ALG8: variants seen among roughly 807,000 people sequenced by gnomAD.
The protein encoded by ALG8 is ALG8 alpha-1,3-glucosyltransferase.
ALG8 carries 48 observed loss-of-function variants against 70.2 expected under a neutral mutation model. The observed-to-expected ratio is 0.68, with a 90% CI of 0.54 to 0.87. ALG8 has a LOEUF of 0.87. Ranked by LOEUF, ALG8 falls within the 40% of genes least tolerant of loss-of-function variation. The pLI is 0.00. For missense variants in ALG8, 572 were observed against 608.7 expected (o/e 0.94, Z 0.64); for synonymous variants, 234 against 229.0 (o/e 1.02, Z -0.20).
chr11:78,131,757 C>T (rs1361214074), intron 1 of ALG8, among the ~76,000 whole-genome samples: 1 of 152,164 alleles, frequency 6.6e-6, no homozygotes, highest in Non-Finnish European at 1.5e-5. Context: ...TGAGCCACTG[C>T]ACCCAGCCCT....
intron 5 of ALG8, among the ~76,000 whole-genome samples, chr11:78,116,085 C>T (rs1040336705): frequency 6.6e-6 from 1 of 152,142 alleles, no homozygotes; most frequent in Non-Finnish European, 1.5e-5. Flanking sequence ...AAAGGCCAGG[C>T]GTGGTGGCTC....
At chr11:78,135,773 G>A (rs1218473079) in intron 1 of ALG8, among the ~76,000 whole-genome samples, 3 of 151,744 alleles carry the variant, frequency 2.0e-5, no homozygotes, top group Admixed American at 2.0e-4. Context: ...ACTCGAACCC[G>A]GGAAGCTGAG....
intron 2 of ALG8, among the ~76,000 whole-genome samples, chr11:78,125,160 G>A (rs531296662): frequency 4.6e-5 from 7 of 151,856 alleles, no homozygotes; most frequent in South Asian, 2.1e-4. Flanking sequence ...AGCCTCCCGA[G>A]TAGCTGGGAC....
At chr11:78,126,361 T>C (rs1173170866) in intron 2 of ALG8, among the ~76,000 whole-genome samples, 1 of 150,640 alleles carries the variant, frequency 6.6e-6, no homozygotes, top group Non-Finnish European at 1.5e-5. Flanking sequence ...GGAAACCCCC[T>C]CTTTACTAAA....
At chr11:78,119,141 A>C in intron 5 of ALG8, 41 bp downstream of exon 5, 2 of 1,496,194 alleles carry the variant, frequency 1.3e-6, no homozygotes, top group Non-Finnish European at 1.9e-6. Context: ...TCTAAAAACT[A>C]ATCTAAAAGG....
chr11:78,127,338 A>G lies in ALG8; in HGVS notation c.174+20T>C, dbSNP rs1861124571. 6.7e-7 allele frequency: 1 copy of G among 1,499,256 alleles called. No individual in the cohort carries two copies. Among genetic ancestry groups the G allele is most frequent in the South Asian group, 1.2e-5 (1 of 86,262 alleles). 92.9% of individuals were successfully genotyped at this position (1,499,256 alleles called of 1,614,324 possible). A position where few individuals can be genotyped will look rare whatever the true frequency, so the allele number is the denominator to read the frequency against. The stretch of plus-strand genomic sequence containing the variant: ...TTATAGATGAATCTTAAAAAAAAAA[A>G]GGTGAAAATTAAAACTTACCTCATA... On this transcript the variant is annotated intron_variant, in intron 2 of 12. Coordinates refer to ENST00000299626, the MANE Select transcript of ALG8 (RefSeq NM_024079.5).
intron 1 of ALG8, among the ~76,000 whole-genome samples, chr11:78,135,530 A>G (rs1861505221): frequency 6.6e-6 from 1 of 151,566 alleles, no homozygotes; most frequent in African/African-American, 2.4e-5. Context: ...TGAGCAACAC[A>G]GTGACCCCAT....
At chr11:78,137,882 T>C (rs1026425278) in intron 1 of ALG8, among the ~76,000 whole-genome samples, 1 of 152,148 alleles carries the variant, frequency 6.6e-6, no homozygotes, top group Non-Finnish European at 1.5e-5. Context: ...ATGGCATTGA[T>C]AGAGTTGCTC....
chr11:78,123,315 G>GAAAA (rs1220218900), intron 3 of ALG8, among the ~76,000 whole-genome samples: 40 of 88,532 alleles, frequency 4.5e-4, no homozygotes, highest in East Asian at 7.1e-4. Context: ...GGAAAAAAAA[G>GAAAA]AAAAAAAAAA....
chr11:78,104,162 T>C, intron 11 of ALG8, 110 bp from the exon 12 acceptor site: 1 of 921,974 alleles, frequency 1.1e-6, no homozygotes. Context: ...AATAATACTT[T>C]TTAAGTTTAA....
intron 9 of ALG8, among the ~76,000 whole-genome samples, chr11:78,107,487 G>A (rs1337857362): frequency 6.7e-6 from 1 of 148,626 alleles, no homozygotes; most frequent in Non-Finnish European, 1.5e-5. Context: ...CCAAAGTGCT[G>A]GGATTACAGG....
chr11:78,114,507 T>C, intron 5 of ALG8, 115 bp from the exon 6 acceptor site: 1 of 1,284,216 alleles, frequency 7.8e-7, no homozygotes, highest in South Asian at 1.3e-5. Flanking sequence ...GAAAAACGGG[T>C]GAAATTCAAA....
In ALG8 at chr11:78,135,790, G is replaced by C. The variant is rs571727833; in HGVS notation, c.95+3704C>G. Among the ~76,000 whole-genome samples the C allele has an allele frequency of 5.3e-5, 8 of 151,978 alleles. No homozygotes were observed. The South Asian group carries it at 1.7e-3, about 32-fold the overall frequency. ...TCGAACCCGGGAAGCTGAGGTTGCA[G>C]TGAGCTGAGATTGTGCCACTACACT... On this transcript the variant is annotated intron_variant, in intron 1 of 12. Transcript: ENST00000299626.
At chr11:78,110,095 G>A (rs1346761430) in intron 8 of ALG8, among the ~76,000 whole-genome samples, 3 of 152,068 alleles carry the variant, frequency 2.0e-5, no homozygotes, top group Non-Finnish European at 4.4e-5. Flanking sequence ...CTCTGCCCAG[G>A]CAACTCCCTT....
In ALG8 at chr11:78,101,091, A is replaced by C; in HGVS notation, c.1454T>G (p.Val485Gly). Residue 485 changes from valine (V) to glycine (G), a missense_variant, in exon 13 of 13, where the codon GTG (valine) becomes GGG (glycine). Coordinates refer to ENST00000299626, the MANE Select transcript of ALG8 (RefSeq NM_024079.5). ...TAACAAAGGGATGAAGGGGTACTTC[A>C]CCTTCCAGGAGGTGAAAGGGAATAC... ...EFVFPFTSWK[V>G]KYPFIPLLLT... 1 of 1,614,166 alleles carries C rather than the reference A, an allele frequency of 6.2e-7. No individual in the cohort carries two copies. The highest frequency in any genetic ancestry group is 8.5e-7 in the Non-Finnish European group (1 of 1,180,014).
chr11:78,130,415 T>C (rs915669885), intron 1 of ALG8, among the ~76,000 whole-genome samples: 4 of 147,900 alleles, frequency 2.7e-5, no homozygotes, highest in South Asian at 2.2e-4. Context: ...GGGGAGTGGC[T>C]GGAAAGATGC....
chr11:78,119,145 TA>T (rs748807034), intron 5 of ALG8, 36 bp downstream of exon 5: 63 of 1,524,570 alleles, frequency 4.1e-5, no homozygotes, highest in Non-Finnish European at 5.7e-5. Context: ...AAAACTAATC[TA>T]AAAGGGAAAA....
intron 3 of ALG8, among the ~76,000 whole-genome samples, chr11:78,122,807 A>G (rs1004680101): frequency 7.2e-5 from 11 of 152,314 alleles, no homozygotes; most frequent in African/African-American, 2.6e-4. Flanking sequence ...TTGCCAGGTC[A>G]TAAACAGATT....
intron 5 of ALG8, among the ~76,000 whole-genome samples, chr11:78,117,377 A>G (rs1006319614): frequency 6.6e-6 from 1 of 152,228 alleles, no homozygotes. Context: ...TAATAATTCT[A>G]ACAACTTCAC....
Sources: allele counts gnomAD v4.1 joint callset (sites outside exome capture counted in the v4.1 genomes callset), GRCh38; gene constraint gnomAD v4.1.1; transcripts MANE v1.5; gene names NCBI Gene and HGNC (gene_info 2026-07-23, HGNC 2026-07-21).